FGF14: variants seen among roughly 807,000 people sequenced by gnomAD.
FGF14 encodes fibroblast growth factor 14.
A neutral mutation model predicts 25.5 loss-of-function variants in FGF14; 5 were observed. That is an observed-to-expected ratio of 0.20 (90% confidence interval 0.10 to 0.41). FGF14 has a LOEUF of 0.41. Ranked by LOEUF, FGF14 falls within the 10% of genes least tolerant of loss-of-function variation. The probability of loss-of-function intolerance (pLI) is 1.00; values close to 1 mark genes in which losing one functional copy is unlikely to be tolerated. For synonymous variants in FGF14, 138 were observed against 118.3 expected (o/e 1.17, Z -1.08); for missense variants, 222 against 320.1 (o/e 0.69, Z 2.34).
chr13:101,845,148 G>A (rs899150444), intron 3 of FGF14, among the ~76,000 whole-genome samples: 2 of 151,928 alleles, frequency 1.3e-5, no homozygotes, highest in African/African-American at 4.8e-5. Flanking sequence ...CGCCTTCATC[G>A]GTGAAGCAAA....
chr13:102,036,659 CAGAAGG>C (rs919907149), intron 1 of FGF14, among the ~76,000 whole-genome samples: 2 of 151,450 alleles, frequency 1.3e-5, no homozygotes, highest in African/African-American at 4.9e-5. Flanking sequence ...AAAGAGGAAA[CAGAAGG>C]AGGAGGAGAA....
intron 1 of FGF14, among the ~76,000 whole-genome samples, chr13:102,370,136 C>A (rs1166087909): frequency 6.6e-6 from 1 of 152,040 alleles, no homozygotes; most frequent in Non-Finnish European, 1.5e-5. Context: ...GAATGACAGG[C>A]ATATGCCACC....
At chr13:101,783,838 T>C (rs1262454008) in intron 3 of FGF14, among the ~76,000 whole-genome samples, 2 of 152,198 alleles carry the variant, frequency 1.3e-5, no homozygotes, top group Admixed American at 6.5e-5. Flanking sequence ...TTAATCCATC[T>C]TGAGTTAATT....
intron 1 of FGF14, among the ~76,000 whole-genome samples, chr13:102,176,188 T>C (rs1243026705): frequency 6.6e-6 from 1 of 152,038 alleles, no homozygotes; most frequent in Non-Finnish European, 1.5e-5. Context: ...CACTGGTCTA[T>C]TGGGTAAAGA....
intron 1 of FGF14, among the ~76,000 whole-genome samples, chr13:102,210,382 T>G (rs1237947246): frequency 1.3e-5 from 2 of 152,138 alleles, no homozygotes; most frequent in Non-Finnish European, 2.9e-5. Flanking sequence ...TTTCCAGATA[T>G]AATCATATAT....
In FGF14 at chr13:101,810,898, C is replaced by T. The variant is rs373604113; in HGVS notation, c.408+57827G>A. The stretch of plus-strand genomic sequence containing the variant: ...AGCATGGGTCCTAACTTGGGTATGA[C>T]ACTTAATCTTTACTGGTTTCACTTA... On this transcript the variant is annotated intron_variant, in intron 3 of 4. Coordinates refer to ENST00000376143, the MANE Select transcript of FGF14 (RefSeq NM_004115.4). Among the ~76,000 whole-genome samples, 862 of 152,140 alleles carry T rather than the reference C, an allele frequency of 5.7e-3. 4 individuals are homozygous for T. Among genetic ancestry groups the T allele is most frequent in the Non-Finnish European group, 9.7e-3 (660 of 68,016 alleles).
At chr13:101,932,335 G>T (rs2034806963) in intron 1 of FGF14, among the ~76,000 whole-genome samples, 1 of 152,012 alleles carries the variant, frequency 6.6e-6, no homozygotes, top group South Asian at 2.1e-4. Context: ...TTTGTGACCA[G>T]CCTGGCCAAC....
intron 1 of FGF14, among the ~76,000 whole-genome samples, chr13:102,153,054 T>C (rs1239539006): frequency 1.3e-5 from 2 of 152,188 alleles, no homozygotes; most frequent in African/African-American, 2.4e-5. Flanking sequence ...TCTCCTCCTT[T>C]CCAGGTGCAT....
chr13:102,318,295 G>A (rs531708262), intron 1 of FGF14, among the ~76,000 whole-genome samples: 4 of 152,284 alleles, frequency 2.6e-5, no homozygotes, highest in Admixed American at 2.6e-4. Context: ...GCAGCAGGGG[G>A]TCCCAACTGC....
At chr13:101,985,337 C>T (rs762594217) in intron 1 of FGF14, among the ~76,000 whole-genome samples, 47 of 151,916 alleles carry the variant, frequency 3.1e-4, no homozygotes, top group African/African-American at 1.0e-3. Flanking sequence ...AAGAGTTATA[C>T]GTATGTGTGT....
chr13:102,043,145 TGTC>T (rs1315248598), intron 1 of FGF14, among the ~76,000 whole-genome samples: 2 of 152,212 alleles, frequency 1.3e-5, no homozygotes, highest in Non-Finnish European at 2.9e-5. Context: ...TCTTTTAATC[TGTC>T]ATGTCCATTC....
chr13:101,812,791 TG>T (rs2041646577), intron 3 of FGF14, among the ~76,000 whole-genome samples: 1 of 148,610 alleles, frequency 6.7e-6, no homozygotes, highest in African/African-American at 2.5e-5. Context: ...CTCAGCCTCC[TG>T]AGTAGCTGGG....
chr13:101,842,227 T>C (rs1210824770), intron 3 of FGF14, among the ~76,000 whole-genome samples: 1 of 151,998 alleles, frequency 6.6e-6, no homozygotes, highest in African/African-American at 2.4e-5. Context: ...AAAACAGGCG[T>C]CAGAGGTTGC....
At chr13:101,919,698 C>T (rs1245721108), upstream of FGF14, among the ~76,000 whole-genome samples, 3 of 152,126 alleles carry the variant, frequency 2.0e-5, no homozygotes, top group Non-Finnish European at 4.4e-5. Flanking sequence ...AAAGCGCTGG[C>T]TGTGAGGGTC....
intron 1 of FGF14, among the ~76,000 whole-genome samples, chr13:102,022,076 C>T (rs1330520808): frequency 6.6e-6 from 1 of 152,098 alleles, no homozygotes; most frequent in Non-Finnish European, 1.5e-5. Context: ...TTCTACCTTA[C>T]TTCATGGATT....
chr13:101,827,684 C>A (rs2042454755), intron 3 of FGF14, among the ~76,000 whole-genome samples: 1 of 151,016 alleles, frequency 6.6e-6, no homozygotes, highest in South Asian at 2.1e-4. Context: ...TTTTTATAAC[C>A]CAGATTGTCT....
chr13:102,003,756 C>T (rs1478978837), intron 1 of FGF14, among the ~76,000 whole-genome samples: 6 of 151,516 alleles, frequency 4.0e-5, no homozygotes, highest in African/African-American at 1.5e-4. Context: ...AAGGCCTGCT[C>T]TTTCCTTTGA....
intron 1 of FGF14, among the ~76,000 whole-genome samples, chr13:102,298,568 T>C (rs773652184): frequency 1.3e-5 from 2 of 152,216 alleles, no homozygotes; most frequent in African/African-American, 4.8e-5. Context: ...TTTTACCATA[T>C]GTCCTTTATT....
chr13:102,166,341 A>C (rs2048010567), intron 1 of FGF14, among the ~76,000 whole-genome samples: 1 of 152,034 alleles, frequency 6.6e-6, no homozygotes, highest in African/African-American at 2.4e-5. Flanking sequence ...AAATAGATTT[A>C]TTTTACAATT....
Sources: allele counts gnomAD v4.1 joint callset (sites outside exome capture counted in the v4.1 genomes callset), GRCh38; gene constraint gnomAD v4.1.1; transcripts MANE v1.5; gene names NCBI Gene and HGNC (gene_info 2026-07-23, HGNC 2026-07-21).